RFX3: variants seen among roughly 807,000 people sequenced by gnomAD.
RFX3 encodes the protein transcription factor RFX3.
A neutral mutation model predicts 98.6 loss-of-function variants in RFX3; 14 were observed. The observed-to-expected ratio is 0.14, with a 90% CI of 0.09 to 0.22. RFX3 has a LOEUF of 0.22. RFX3 is among the 10% of genes least tolerant of loss of function. The pLI is 1.00. For synonymous variants in RFX3, 383 were observed against 328.4 expected (o/e 1.17, Z -1.80); for missense variants, 639 against 926.9 (o/e 0.69, Z 4.03).
chr9:3,275,049 A>G (rs993859000), intron 9 of RFX3, among the ~76,000 whole-genome samples: 2 of 151,896 alleles, frequency 1.3e-5, no homozygotes, highest in African/African-American at 4.8e-5. Flanking sequence ...AGAGTTGCCT[A>G]TTCTTTTGAT....
At chr9:3,232,389 G>A (rs1818587955) in intron 15 of RFX3, among the ~76,000 whole-genome samples, 1 of 152,044 alleles carries the variant, frequency 6.6e-6, no homozygotes, top group South Asian at 2.1e-4. Flanking sequence ...CACCATCCCT[G>A]TCACTCTCAG....
intron 2 of RFX3, among the ~76,000 whole-genome samples, chr9:3,357,321 T>C (rs1705347555): frequency 1.3e-5 from 2 of 151,994 alleles, no homozygotes; most frequent in African/African-American, 2.4e-5. Flanking sequence ...TATATTGTTT[T>C]CTCTACATAA....
chr9:3,523,779 T>C (rs1211358434), intron 1 of RFX3, among the ~76,000 whole-genome samples: 1 of 151,786 alleles, frequency 6.6e-6, no homozygotes, highest in African/African-American at 2.4e-5. Context: ...GAAAAAAAAA[T>C]ACAAGTTAGT....
chr9:3,257,279 A>T, intron 13 of RFX3, 80 bp from the exon 14 acceptor site: 3 of 1,114,858 alleles, frequency 2.7e-6, no homozygotes, highest in Non-Finnish European at 2.6e-6. Context: ...CACTAGATGC[A>T]AGAACAGAAA....
intron 1 of RFX3, among the ~76,000 whole-genome samples, chr9:3,440,166 A>C (rs1280166779): frequency 6.6e-6 from 1 of 152,096 alleles, no homozygotes; most frequent in African/African-American, 2.4e-5. Flanking sequence ...AAGATGAAAA[A>C]TTAAGTATTT....
intron 11 of RFX3, among the ~76,000 whole-genome samples, chr9:3,270,114 G>GAAAGAAAGAAAGAA (rs1824222163): frequency 7.0e-6 from 1 of 142,060 alleles, no homozygotes; most frequent in Non-Finnish European, 1.6e-5. Flanking sequence ...AAGAAAGAAA[G>GAAAGAAAGAAAGAA]AAAGAAAGAA....
chr9:3,420,951 C>T (rs902377774), intron 1 of RFX3: 8 of 971,328 alleles, frequency 8.2e-6, no homozygotes, highest in Non-Finnish European at 9.7e-6. Flanking sequence ...TCTGTGGCTA[C>T]AACAGAAACT....
rs534189706 is a variant in RFX3, at chr9:3,222,161, T to C, written c.*2881A>G. 2.6e-5 allele frequency: 4 copies of C among 152,294 alleles called. No individual in the cohort carries two copies. In the East Asian group the frequency reaches 7.7e-4, roughly 29 times the overall value. 9.4% of individuals were successfully genotyped at this position (152,294 alleles called of 1,614,324 possible). A position where few individuals can be genotyped will look rare whatever the true frequency, so the allele number is the denominator to read the frequency against. ...TTCGAAATTGATGAAAATGTTTGTGTGTATGTCTGTGCATGTTTTACTGTG... is the reference window on the plus strand; with the variant it reads ...TTCGAAATTGATGAAAATGTTTGTGCGTATGTCTGTGCATGTTTTACTGTG... On this transcript the variant is annotated 3_prime_UTR_variant, in exon 17 of 17. Coordinates refer to ENST00000617270, the MANE Select transcript of RFX3 (RefSeq NM_001282116.2).
At chr9:3,435,569 C>A (rs897387034) in intron 1 of RFX3, among the ~76,000 whole-genome samples, 3 of 151,892 alleles carry the variant, frequency 2.0e-5, no homozygotes, top group Admixed American at 6.6e-5. Context: ...CCTCATTATG[C>A]AGTTCATGAC....
chr9:3,287,763 G>T (rs111344089), intron 7 of RFX3, among the ~76,000 whole-genome samples: 66 of 152,034 alleles, frequency 4.3e-4, no homozygotes, highest in African/African-American at 1.5e-3. Flanking sequence ...TTCATACTGT[G>T]TCAAAAAGAA....
intron 7 of RFX3, among the ~76,000 whole-genome samples, chr9:3,282,157 A>G (rs1478046572): frequency 6.6e-6 from 1 of 151,816 alleles, no homozygotes; most frequent in Non-Finnish European, 1.5e-5. Context: ...CTGTCCCAGA[A>G]AGTCTTTAGA....
chr9:3,350,201 A>G (rs892453127), intron 2 of RFX3, among the ~76,000 whole-genome samples: 1 of 152,182 alleles, frequency 6.6e-6, no homozygotes, highest in South Asian at 2.1e-4. Context: ...CTGGGGAAGA[A>G]TATTTGCAAT....
intron 1 of RFX3, among the ~76,000 whole-genome samples, chr9:3,430,223 CAG>C (rs577292858): frequency 6.6e-6 from 1 of 152,082 alleles, no homozygotes; most frequent in South Asian, 2.1e-4. Flanking sequence ...TAATTAATAG[CAG>C]AGTGTTCTAG....
At chr9:3,274,893 A>C (rs1348194501) in intron 9 of RFX3, among the ~76,000 whole-genome samples, 1 of 151,968 alleles carries the variant, frequency 6.6e-6, no homozygotes, top group Non-Finnish European at 1.5e-5. Context: ...TATATATATG[A>C]AGGAAAAGGA....
intron 9 of RFX3, among the ~76,000 whole-genome samples, chr9:3,271,579 C>G (rs1824476660): frequency 6.9e-6 from 1 of 145,064 alleles, no homozygotes; most frequent in African/African-American, 2.5e-5. Context: ...TTCTTTCTTT[C>G]CTTTACCTAC....
intron 2 of RFX3, among the ~76,000 whole-genome samples, chr9:3,369,898 C>T (rs919225345): frequency 2.6e-5 from 4 of 151,960 alleles, no homozygotes; most frequent in Non-Finnish European, 4.4e-5. Context: ...GGCGCCATCT[C>T]CGCTCACTGC....
intron 7 of RFX3, among the ~76,000 whole-genome samples, chr9:3,285,162 T>C (rs1345266707): frequency 1.3e-5 from 2 of 151,846 alleles, no homozygotes; most frequent in Admixed American, 1.3e-4. Context: ...TAAGAACATA[T>C]AAAACAAATT....
At chr9:3,518,823 A>G (rs1391815101) in intron 1 of RFX3, among the ~76,000 whole-genome samples, 1 of 152,186 alleles carries the variant, frequency 6.6e-6, no homozygotes, top group Non-Finnish European at 1.5e-5. Flanking sequence ...TTTACAACTC[A>G]AGATTGGGAT....
At chr9:3,366,592 C>A (rs997350851) in intron 2 of RFX3, among the ~76,000 whole-genome samples, 2 of 151,472 alleles carry the variant, frequency 1.3e-5, no homozygotes, top group Non-Finnish European at 2.9e-5. Flanking sequence ...AAAACAAGTT[C>A]TTTCTCTACC....
Sources: gnomAD v4.1 joint callset for allele counts (sites outside exome capture counted in the v4.1 genomes callset) on GRCh38, gnomAD v4.1.1 for gene constraint, MANE v1.5 for transcripts, NCBI Gene and HGNC (gene_info 2026-07-23, HGNC 2026-07-21) for gene names.